Variants in CHD1L observed in about 807,000 individuals in gnomAD.
The protein encoded by CHD1L is ATP-dependent chromatin remodeler CHD1L.
Under a neutral mutation model 115.9 loss-of-function variants are expected in CHD1L, and 118 were observed. That is an observed-to-expected ratio of 1.02 (90% CI 0.88 to 1.19). The LOEUF is 1.19. Ranked by LOEUF, CHD1L falls within the 50% of genes most tolerant of loss-of-function variation. The pLI is 0.00. For synonymous variants in CHD1L, 411 were observed against 387.1 expected (o/e 1.06, Z -0.72); for missense variants, 1,179 against 1,065.3 (o/e 1.11, Z -1.49).
At position 147,242,790 on chromosome 1, in the gene CHD1L, G is replaced by A. The variant is rs1467242826; in HGVS notation, c.87G>A (p.Ala29=). Residue 29 remains alanine, a synonymous_variant, in exon 1 of 23, where the codon GCG becomes GCA. Coordinates refer to ENST00000369258, the MANE Select transcript of CHD1L (RefSeq NM_004284.6). Reference sequence around the variant, plus strand: ...ATACTGAGGGCCGAGCCGAGGCGGCGCGGGTGCAGGAGCAGGACTTACGGC... The same window carrying A: ...ATACTGAGGGCCGAGCCGAGGCGGCACGGGTGCAGGAGCAGGACTTACGGC... The part of the protein sequence containing the change: ...RLHTEGRAEA[A]RVQEQDLRQW... 1 of 1,273,784 alleles carries A rather than the reference G, an allele frequency of 7.9e-7. No individual in the cohort carries two copies. Among genetic ancestry groups the A allele is most frequent in the Non-Finnish European group, 1.0e-6 (1 of 1,002,768 alleles). 78.9% of individuals were successfully genotyped at this position (1,273,784 alleles called of 1,614,324 possible).
the CHD1L span, among the ~76,000 whole-genome samples, chr1:147,194,627 T>C: frequency 7.3e-5 from 11 of 150,476 alleles, no homozygotes; most frequent in East Asian, 1.9e-3. Context: ...TTTTGGCATG[T>C]TTTTGCAGTG....
chr1:147,208,721 G>A, the CHD1L span: 18 of 709,338 alleles, frequency 2.5e-5, no homozygotes, highest in African/African-American at 5.3e-5. Flanking sequence ...TTACAGGCGT[G>A]AGCCACCATG....
chr1:147,251,850 C>A (rs1668513825), intron 1 of CHD1L, among the ~76,000 whole-genome samples: 1 of 152,114 alleles, frequency 6.6e-6, no homozygotes. Context: ...TACTACTACT[C>A]TGGTATTTGT....
chr1:147,220,284 T>C, the CHD1L span, among the ~76,000 whole-genome samples: 1 of 152,104 alleles, frequency 6.6e-6, no homozygotes, highest in African/African-American at 2.4e-5. Context: ...AAAACACAGA[T>C]GAAGAAAGTC....
chr1:147,212,322 C>T, the CHD1L span: 2 of 1,498,064 alleles, frequency 1.3e-6, no homozygotes, highest in South Asian at 1.2e-5. Context: ...TCTGTTGGGT[C>T]CACCTGCAGC....
At chr1:147,259,750 A>G in intron 5 of CHD1L, 87 bp from the exon 6 acceptor site, 2 of 1,148,242 alleles carry the variant, frequency 1.7e-6, no homozygotes, top group Non-Finnish European at 2.6e-6. Context: ...TCTTTTTAAT[A>G]ACAGTCACAG....
At chr1:147,212,362 G>A in the CHD1L span, 9 of 1,611,256 alleles carry the variant, frequency 5.6e-6, no homozygotes, top group Non-Finnish European at 7.6e-6. Context: ...CTAGAGTTAA[G>A]CAACGTAAAT....
At chr1:147,255,957 TCCTAA>T in intron 4 of CHD1L, 30 bp downstream of exon 4, 1 of 1,468,740 alleles carries the variant, frequency 6.8e-7, no homozygotes, top group African/African-American at 1.4e-5. Flanking sequence ...TAGCGAGAAC[TCCTAA>T]CCTGTGACCT....
At chr1:147,225,040 G>A in the CHD1L span, 1 of 1,614,104 alleles carries the variant, frequency 6.2e-7, no homozygotes, top group East Asian at 2.2e-5. Flanking sequence ...GGTCTCCCGA[G>A]ATCTTCACCT....
chr1:147,244,443 T>C (rs976508714), intron 1 of CHD1L, among the ~76,000 whole-genome samples: 1 of 151,812 alleles, frequency 6.6e-6, no homozygotes, highest in African/African-American at 2.4e-5. Context: ...ACTAGTGTTA[T>C]GAGAAACTAT....
chr1:147,290,423 T>C (rs908170090), intron 19 of CHD1L, among the ~76,000 whole-genome samples: 1 of 152,166 alleles, frequency 6.6e-6, no homozygotes, highest in Admixed American at 6.5e-5. Flanking sequence ...TTACATACTT[T>C]TTTTGAATCA....
chr1:147,247,640 C>A (rs1046564059), intron 1 of CHD1L, among the ~76,000 whole-genome samples: 1 of 152,144 alleles, frequency 6.6e-6, no homozygotes, highest in African/African-American at 2.4e-5. Context: ...CTCGAGTATT[C>A]CATAGCAACA....
At chr1:147,212,593 T>A in the CHD1L span, 1 of 1,501,248 alleles carries the variant, frequency 6.7e-7, no homozygotes, top group Non-Finnish European at 9.1e-7. Context: ...ATATCATTTG[T>A]CAAGTCATTT....
chr1:147,209,719 A>AT, the CHD1L span: 2 of 152,154 alleles, frequency 1.3e-5, no homozygotes, highest in Admixed American at 6.5e-5. Context: ...CCATGAAGAA[A>AT]CCGCTGACTA....
the CHD1L span, among the ~76,000 whole-genome samples, chr1:147,192,027 G>GT: frequency 5.9e-5 from 9 of 152,068 alleles, no homozygotes; most frequent in Admixed American, 5.2e-4. Context: ...CTTTAAAATA[G>GT]TTTTTTCCAA....
At chr1:147,188,405 C>A in the CHD1L span, among the ~76,000 whole-genome samples, 1 of 151,544 alleles carries the variant, frequency 6.6e-6, no homozygotes, top group Non-Finnish European at 1.5e-5. Context: ...TGCCTGTAGT[C>A]CCAGCTACTC....
rs1220594327 is a variant in CHD1L, at chr1:147,267,632, C to T, written c.988+114C>T. The T allele has an allele frequency of 3.2e-5, 24 of 740,240 alleles. No individual in the cohort carries two copies. The East Asian group carries it at 6.3e-4, about 19-fold the overall frequency. 45.9% of individuals were successfully genotyped at this position (740,240 alleles called of 1,614,324 possible). A position where few individuals can be genotyped will look rare whatever the true frequency, so the allele number is the denominator to read the frequency against. ...ACTTACTTTGTCTACTTTGTTTATT[C>T]TCAATTTCTCTGTATTGGTATTAAC... is the stretch of plus-strand genomic sequence containing the variant. On this transcript the variant is annotated intron_variant, in intron 9 of 22. Coordinates refer to ENST00000369258, the MANE Select transcript of CHD1L (RefSeq NM_004284.6).
chr1:147,256,703 G>T, intron 5 of CHD1L, 141 bp downstream of exon 5: 1 of 729,260 alleles, frequency 1.4e-6, no homozygotes, highest in Non-Finnish European at 2.3e-6. Flanking sequence ...GCGGCATGGT[G>T]GGAGTCCTGT....
At chr1:147,228,191 C>A in the CHD1L span, among the ~76,000 whole-genome samples, 1 of 149,432 alleles carries the variant, frequency 6.7e-6, no homozygotes, top group Admixed American at 6.7e-5. Context: ...CCCAGTGTGT[C>A]ATGTTCCCCT....
Sources: gnomAD v4.1 joint callset for allele counts (sites outside exome capture counted in the v4.1 genomes callset) on GRCh38, gnomAD v4.1.1 for gene constraint, MANE v1.5 for transcripts, NCBI Gene and HGNC (gene_info 2026-07-23, HGNC 2026-07-21) for gene names.